PLOD2: variants seen among roughly 807,000 people sequenced by gnomAD.
The protein encoded by PLOD2 is procollagen-lysine,2-oxoglutarate 5-dioxygenase 2, also known as lysine hydroxylase 2.
A neutral mutation model predicts 101.0 loss-of-function variants in PLOD2; 65 were observed. That is an observed-to-expected ratio of 0.64 (90% CI 0.53 to 0.79). The LOEUF is 0.79. Among genes scored for constraint, PLOD2 ranks in the 30% least tolerant of loss-of-function variants. PLOD2 has a pLI of 0.00. For synonymous variants in PLOD2, 314 were observed against 302.9 expected (o/e 1.04, Z -0.38); for missense variants, 909 against 914.6 (o/e 0.99, Z 0.08).
At position 146,121,266 on chromosome 3, in the gene PLOD2, A is replaced by C; in HGVS notation, c.202-18T>G. 1.2e-6 allele frequency: 2 copies of C among 1,609,694 alleles called. No homozygotes were observed. The highest frequency in any genetic ancestry group is 1.7e-6 in the Non-Finnish European group (2 of 1,176,532). On this transcript the variant is annotated intron_variant, in intron 2 of 19. Coordinates refer to ENST00000282903, the MANE Select transcript of PLOD2 (RefSeq NM_182943.3). ...CCAAGGACCTATAAACAAAATCAAC[A>C]TTTCATTCCTGAGCAAAACTCAAAT...
intron 1 of PLOD2, among the ~76,000 whole-genome samples, chr3:146,143,020 A>C (rs1416731258): frequency 6.6e-6 from 1 of 152,104 alleles, no homozygotes. Flanking sequence ...CTATTTTTCA[A>C]TGCTATCGGC....
At chr3:146,147,927 C>A (rs912181699) in intron 1 of PLOD2, among the ~76,000 whole-genome samples, 1 of 152,134 alleles carries the variant, frequency 6.6e-6, no homozygotes, top group Admixed American at 6.5e-5. Context: ...AAGGAAAACC[C>A]AGGGTTTCCA....
intron 8 of PLOD2, among the ~76,000 whole-genome samples, chr3:146,090,341 G>T (rs899240908): frequency 6.6e-6 from 1 of 151,296 alleles, no homozygotes; most frequent in Non-Finnish European, 1.5e-5. Flanking sequence ...GGAATGAATA[G>T]TTTTCCTTTC....
chr3:146,106,532 C>G lies in PLOD2; in HGVS notation c.615G>C (p.Arg205Ser), dbSNP rs370572130. The G allele has an allele frequency of 1.3e-5, 18 of 1,388,376 alleles. No homozygotes were observed. Among genetic ancestry groups the G allele is most frequent in the Admixed American group, 1.0e-4 (6 of 59,730 alleles). 86.0% of individuals were successfully genotyped at this position (1,388,376 alleles called of 1,614,324 possible). ...CAAAAAAATTGCAGCTGTTACACAC[C>G]CTTTTCAGTGGATCAATGTAAACTT... is the stretch of plus-strand genomic sequence containing the variant. ...YTKVYIDPLK[R>S]EAINITLDHK... Residue 205 changes from arginine (R) to serine (S), a missense_variant and splice_region_variant, in exon 5 of 20, where the codon AGG becomes AGC. Transcript: ENST00000282903.
At chr3:146,110,558 T>C (rs1284211306) in intron 3 of PLOD2, 110 bp from the exon 4 acceptor site, 1 of 787,564 alleles carries the variant, frequency 1.3e-6, no homozygotes, top group African/African-American at 1.7e-5. Context: ...AATGCAAGAT[T>C]AATACCTGTG....
chr3:146,105,388 T>C (rs1937518969), intron 5 of PLOD2, among the ~76,000 whole-genome samples: 1 of 152,146 alleles, frequency 6.6e-6, no homozygotes, highest in African/African-American at 2.4e-5. Flanking sequence ...ACAAATTGGC[T>C]ATAAAGTCTC....
chr3:146,126,230 C>T (rs142184354), intron 1 of PLOD2, among the ~76,000 whole-genome samples: 21 of 152,142 alleles, frequency 1.4e-4, no homozygotes, highest in Admixed American at 5.2e-4. Flanking sequence ...TAACCTCAAC[C>T]AAATCACAAA....
chr3:146,123,758 T>G (rs1328065281), intron 2 of PLOD2, among the ~76,000 whole-genome samples: 1 of 151,874 alleles, frequency 6.6e-6, no homozygotes, highest in African/African-American at 2.4e-5. Flanking sequence ...AACTTTTTTT[T>G]GCTGTTTTAT....
At position 146,112,966 on chromosome 3, in the gene PLOD2, A is replaced by G. The variant is rs190944979; in HGVS notation, c.339-2518T>C. Among the ~76,000 whole-genome samples the G allele has an allele frequency of 1.2e-4, 19 of 152,250 alleles. No individual in the cohort carries two copies. In the East Asian group the frequency reaches 3.7e-3, roughly 29 times the overall value. ...TTCTGCACATATATCCCAGAACTTG[A>G]AGTAAAATAATAATAAAATTTAAAA... On this transcript the variant is annotated intron_variant, in intron 3 of 19. Transcript: ENST00000282903.
At chr3:146,153,024 G>A (rs567786995) in intron 1 of PLOD2, among the ~76,000 whole-genome samples, 2 of 152,332 alleles carry the variant, frequency 1.3e-5, no homozygotes, top group African/African-American at 4.8e-5. Flanking sequence ...CCCTGGACCA[G>A]CAGGGCATTC....
intron 7 of PLOD2, among the ~76,000 whole-genome samples, chr3:146,100,963 G>A (rs932537968): frequency 6.6e-6 from 1 of 152,186 alleles, no homozygotes; most frequent in Admixed American, 6.5e-5. Context: ...AACTAAGAAA[G>A]TTGCTATGGC....
chr3:146,150,751 A>G (rs1244704876), intron 1 of PLOD2, among the ~76,000 whole-genome samples: 6 of 152,186 alleles, frequency 3.9e-5, no homozygotes, highest in South Asian at 2.1e-4. Context: ...AAAAGTTACC[A>G]GCATAATTGT....
rs755296540 is a variant in PLOD2, at chr3:146,081,884, TG to T, written c.1233-22del. The T allele has an allele frequency of 1.7e-5, 28 of 1,605,602 alleles. 1 individual carries two copies. The South Asian group carries it at 3.0e-4, about 17-fold the overall frequency. On this transcript the variant is annotated intron_variant, in intron 11 of 19. Transcript: ENST00000282903. Reference sequence around the variant, plus strand: ...TCTTTCTAAAGACAGAGAGAGTGTGTGTGAGAGAGAGAAACCTATATAATTA... The same window carrying T: ...TCTTTCTAAAGACAGAGAGAGTGTGTTGAGAGAGAGAAACCTATATAATTA...
chr3:146,133,363 C>A (rs2031037411), intron 1 of PLOD2, among the ~76,000 whole-genome samples: 1 of 152,108 alleles, frequency 6.6e-6, no homozygotes, highest in African/African-American at 2.4e-5. Context: ...TATCCATATA[C>A]TTCAGAAAGT....
intron 3 of PLOD2, among the ~76,000 whole-genome samples, chr3:146,119,112 T>C (rs1938061370): frequency 6.6e-6 from 1 of 152,142 alleles, no homozygotes; most frequent in Non-Finnish European, 1.5e-5. Flanking sequence ...GGGCAGTTTC[T>C]AATGGTTTAG....
At chr3:146,124,590 T>A (rs2030431525) in intron 1 of PLOD2, among the ~76,000 whole-genome samples, 2 of 152,138 alleles carry the variant, frequency 1.3e-5, no homozygotes. Context: ...ACATCATCGA[T>A]AAATCATTCC....
chr3:146,128,768 G>T (rs941131443), intron 1 of PLOD2, among the ~76,000 whole-genome samples: 71 of 151,044 alleles, frequency 4.7e-4, no homozygotes, highest in African/African-American at 1.7e-3. Context: ...ATATTCAGTG[G>T]TGACACAATT....
chr3:146,133,812 C>G (rs2031068835), intron 1 of PLOD2, among the ~76,000 whole-genome samples: 1 of 152,114 alleles, frequency 6.6e-6, no homozygotes, highest in Non-Finnish European at 1.5e-5. Context: ...ATGGGCCTTA[C>G]TTGAATACAA....
rs535611293 is a variant in PLOD2, at chr3:146,160,991, T to A, written c.-2A>T. The A allele has an allele frequency of 1.3e-5, 20 of 1,569,084 alleles. No individual in the cohort carries two copies. The African/African-American group carries it at 2.3e-4, about 18-fold the overall frequency. ...AGGCTTCACCGTGCATCCCCCCATA[T>A]TCGGCCCTCGAGGGCCGCGCGGGCT... On this transcript the variant is annotated 5_prime_UTR_variant, in exon 1 of 20. Transcript: ENST00000282903.
Sources: gnomAD v4.1 joint callset for allele counts (sites outside exome capture counted in the v4.1 genomes callset) on GRCh38, gnomAD v4.1.1 for gene constraint, MANE v1.5 for transcripts, NCBI Gene and HGNC (gene_info 2026-07-23, HGNC 2026-07-21) for gene names.